The following ATP2C2 variants were observed in gnomAD, a reference collection of about 807,000 sequenced individuals.
ATP2C2 encodes the protein calcium-transporting ATPase type 2C member 2.
Under a neutral mutation model 110.8 loss-of-function variants are expected in ATP2C2, and 171 were observed. The observed-to-expected ratio is 1.54, with a 90% CI of 1.36 to 1.75. The LOEUF is 1.75. Among genes scored for constraint, ATP2C2 ranks in the 40% most tolerant of loss-of-function variants. The pLI is 0.00. For synonymous variants in ATP2C2, 804 were observed against 508.4 expected (o/e 1.58, Z -7.82); for missense variants, 1,963 against 1,235.0 (o/e 1.59, Z -8.84).
chr16:84,440,662 C>T (rs1394572080), intron 13 of ATP2C2, among the ~76,000 whole-genome samples, 195 bp from the exon 14 acceptor site: 1 of 152,228 alleles, frequency 6.6e-6, no homozygotes, highest in Non-Finnish European at 1.5e-5. Flanking sequence ...GCAACTTACT[C>T]ATGCCTGGTA....
Position 84,383,789 on chromosome 16 carries a change from T to G in ATP2C2, c.100-14710T>G, listed in dbSNP as rs1293899120. ...GGGTGGGGGTGTTGGTTTTGTTGGT[T>G]TTTTTTTTTTTTTTTTTTTGAGACA... On this transcript the variant is annotated intron_variant, in intron 1 of 26. Transcript: ENST00000262429. Among the ~76,000 whole-genome samples, 225 of 61,558 alleles carry G rather than the reference T, an allele frequency of 3.7e-3. 1 individual carries two copies. The highest frequency in any genetic ancestry group is 9.2e-3 in the African/African-American group (221 of 24,148). 40.4% of individuals were successfully genotyped at this position (61,558 alleles called of 152,430 possible).
At chr16:84,373,618 C>G (rs1192954275) in intron 1 of ATP2C2, among the ~76,000 whole-genome samples, 3 of 152,182 alleles carry the variant, frequency 2.0e-5, no homozygotes, top group Non-Finnish European at 2.9e-5. Context: ...TAGGTCCAGT[C>G]TACACTCAAA....
At chr16:84,427,834 C>T (rs2435177) in intron 11 of ATP2C2, among the ~76,000 whole-genome samples, 135,450 of 152,202 alleles carry the variant, frequency 0.89, 60,316 homozygotes, top group East Asian at 0.94. Context: ...GGGTTTCCTT[C>T]GGGGGTGAAG....
intron 2 of ATP2C2, among the ~76,000 whole-genome samples, chr16:84,402,947 C>T (rs1905433794): frequency 6.6e-6 from 1 of 152,088 alleles, no homozygotes; most frequent in Non-Finnish European, 1.5e-5. Flanking sequence ...TTTATTATGG[C>T]TTTGATCTTA....
At position 84,381,342 on chromosome 16, in the gene ATP2C2, T is replaced by C. The variant is rs572428201; in HGVS notation, c.99+12628T>C. On this transcript the variant is annotated intron_variant, in intron 1 of 26. Coordinates refer to ENST00000262429, the MANE Select transcript of ATP2C2 (RefSeq NM_014861.4). ...AGTTACTTCAGGCCATCTGGATGTATACGTGCAAGTCACAGGGGATGTGAT... is the reference window on the plus strand; with the variant it reads ...AGTTACTTCAGGCCATCTGGATGTACACGTGCAAGTCACAGGGGATGTGAT... 4.0e-4 allele frequency among the ~76,000 whole-genome samples: 61 copies of C among 152,268 alleles called. 1 individual carries two copies. The South Asian group carries it at 9.3e-3, about 23-fold the overall frequency.
intron 14 of ATP2C2, among the ~76,000 whole-genome samples, chr16:84,442,008 A>G (rs1909307636): frequency 6.6e-6 from 1 of 152,194 alleles, no homozygotes; most frequent in South Asian, 2.1e-4. Context: ...AAGTAATGCG[A>G]GTGTCCAGGC....
chr16:84,383,516 C>T (rs544447189), intron 1 of ATP2C2, among the ~76,000 whole-genome samples: 6 of 152,224 alleles, frequency 3.9e-5, no homozygotes, highest in South Asian at 2.1e-4. Context: ...CCAGCCATAC[C>T]GTTATTCTGG....
chr16:84,441,623 T>A (rs878969152), intron 14 of ATP2C2, among the ~76,000 whole-genome samples: 1 of 151,952 alleles, frequency 6.6e-6, no homozygotes, highest in Non-Finnish European at 1.5e-5. Flanking sequence ...TTTTGCAGAT[T>A]AAAAATCAAA....
chr16:84,426,966 T>C (rs1305598345), intron 11 of ATP2C2, among the ~76,000 whole-genome samples: 1 of 152,140 alleles, frequency 6.6e-6, no homozygotes, highest in East Asian at 1.9e-4. Flanking sequence ...TTGTCAGTAG[T>C]TCTTCTGTGG....
intron 21 of ATP2C2, among the ~76,000 whole-genome samples, chr16:84,458,784 G>C (rs961535447): frequency 6.6e-6 from 1 of 152,176 alleles, no homozygotes; most frequent in African/African-American, 2.4e-5. Flanking sequence ...GTAAATCGCG[G>C]AGATGCACGG....
At chr16:84,383,327 C>CTCAAA (rs1910695461) in intron 1 of ATP2C2, among the ~76,000 whole-genome samples, 1 of 152,222 alleles carries the variant, frequency 6.6e-6, no homozygotes, top group Non-Finnish European at 1.5e-5. Flanking sequence ...GGGCAAAGCT[C>CTCAAA]TCAAATCCAG....
chr16:84,410,986 C>T, intron 6 of ATP2C2: 1 of 584,592 alleles, frequency 1.7e-6, no homozygotes, highest in East Asian at 2.9e-5. Flanking sequence ...TCATCAGTGT[C>T]TAAATCAGGG....
chr16:84,425,394 C>T (rs560610374), intron 10 of ATP2C2, among the ~76,000 whole-genome samples: 3 of 152,278 alleles, frequency 2.0e-5, no homozygotes, highest in Non-Finnish European at 4.4e-5. Context: ...GTTGCATTTG[C>T]CACAACAAAC....
chr16:84,445,586 AT>A (rs1184208926), intron 15 of ATP2C2, among the ~76,000 whole-genome samples: 1 of 152,176 alleles, frequency 6.6e-6, no homozygotes, highest in Non-Finnish European at 1.5e-5. Context: ...CAAAGGCGCT[AT>A]TCCAAATCAG....
rs1911646981 is a variant in ATP2C2, at chr16:84,463,801, T to C, written c.*69T>C. 7.2e-7 allele frequency: 1 copy of C among 1,382,252 alleles called. No homozygotes were observed. Among genetic ancestry groups the C allele is most frequent in the South Asian group, 1.2e-5 (1 of 85,560 alleles). 85.6% of individuals were successfully genotyped at this position (1,382,252 alleles called of 1,614,324 possible). ...TTGTGACTGTGGCCCCTGCCGTGTC[T>C]CCTCGTCAGGGGAGACTTTTAGGAG... On this transcript the variant is annotated 3_prime_UTR_variant, in exon 27 of 27. Coordinates refer to ENST00000262429, the MANE Select transcript of ATP2C2 (RefSeq NM_014861.4).
chr16:84,403,372 C>T (rs987761491), intron 2 of ATP2C2, among the ~76,000 whole-genome samples: 76 of 152,296 alleles, frequency 5.0e-4, no homozygotes, highest in Admixed American at 9.8e-4. Context: ...GTGCTGCAAT[C>T]AAGGGCCAGT....
intron 11 of ATP2C2, among the ~76,000 whole-genome samples, chr16:84,434,642 C>T (rs1354780596): frequency 6.6e-6 from 1 of 151,692 alleles, no homozygotes; most frequent in Non-Finnish European, 1.5e-5. Flanking sequence ...CTCAGCCTCC[C>T]CAAGTAGCTG....
chr16:84,400,921 T>C (rs1302580279), intron 2 of ATP2C2, among the ~76,000 whole-genome samples: 1 of 152,216 alleles, frequency 6.6e-6, no homozygotes, highest in East Asian at 1.9e-4. Context: ...GATTATTAGG[T>C]TTTCTCCTAT....
intron 11 of ATP2C2, among the ~76,000 whole-genome samples, chr16:84,431,995 G>T (rs1908321868): frequency 6.6e-6 from 1 of 152,140 alleles, no homozygotes; most frequent in African/African-American, 2.4e-5. Flanking sequence ...AGGCACTGGA[G>T]AGCTGAGGTC....
Sources: allele counts gnomAD v4.1 joint callset (sites outside exome capture counted in the v4.1 genomes callset), GRCh38; gene constraint gnomAD v4.1.1; transcripts MANE v1.5; gene names NCBI Gene and HGNC (gene_info 2026-07-23, HGNC 2026-07-21).